NEDD8: variants seen among roughly 807,000 people sequenced by gnomAD.
The protein encoded by NEDD8 is NEDD8 ubiquitin like modifier.
NEDD8 carries 1 observed loss-of-function variant against 13.8 expected under a neutral mutation model. The ratio of observed to expected loss-of-function variants is 0.07; its 90% CI spans 0.03 to 0.34. The LOEUF (loss-of-function observed/expected upper bound fraction) is 0.34. Ranked by LOEUF, NEDD8 falls within the 10% of genes least tolerant of loss-of-function variation. The probability of loss-of-function intolerance (pLI) is 0.99; values close to 1 mark genes in which losing one functional copy is unlikely to be tolerated. For synonymous variants in NEDD8, 31 were observed against 33.2 expected (o/e 0.93, Z 0.23); for missense variants, 10 against 95.2 (o/e 0.10, Z 3.73).
intron 1 of NEDD8, among the ~76,000 whole-genome samples, chr14:24,221,850 C>A (rs1326709175): frequency 2.0e-5 from 3 of 152,142 alleles, no homozygotes; most frequent in Non-Finnish European, 2.9e-5. Context: ...CCTGCCTCGG[C>A]CTCCCAAAGT....
intron 2 of NEDD8, 54 bp downstream of exon 2, chr14:24,218,330 G>A: frequency 6.2e-7 from 1 of 1,614,066 alleles, no homozygotes; most frequent in Non-Finnish European, 8.5e-7. Context: ...ATAAGCATAT[G>A]CAAACAAATA....
chr14:24,217,961 T>A, intron 3 of NEDD8, 172 bp downstream of exon 3: 1 of 612,516 alleles, frequency 1.6e-6, no homozygotes, highest in Non-Finnish European at 2.7e-6. Context: ...TATTTTGTTT[T>A]ATGCCTGAAA....
intron 1 of NEDD8, among the ~76,000 whole-genome samples, chr14:24,231,144 G>C (rs551380995): frequency 6.6e-6 from 1 of 152,176 alleles, no homozygotes; most frequent in South Asian, 2.1e-4. Context: ...GCCTGCCTCG[G>C]CCTTCCAAAG....
chr14:24,226,824 T>C (rs1425286354), intron 1 of NEDD8: 1 of 152,212 alleles, frequency 6.6e-6, no homozygotes, highest in African/African-American at 2.4e-5. Context: ...CCTAGTAATT[T>C]CATTCTTAGG....
In NEDD8 at chr14:24,217,095, C is replaced by T. The variant is rs1341969210; in HGVS notation, c.*32G>A. 7.0e-6 allele frequency: 11 copies of T among 1,560,948 alleles called. No homozygotes were observed. The highest frequency in any genetic ancestry group is 4.5e-5 in the East Asian group (2 of 44,484). ...AGGATATATGATGCCTCATTATGAGCGACAGGGTAAAGAGGTAAAATGGAG... is the reference window on the plus strand; with the variant it reads ...AGGATATATGATGCCTCATTATGAGTGACAGGGTAAAGAGGTAAAATGGAG... On this transcript the variant is annotated 3_prime_UTR_variant, in exon 4 of 4. Coordinates refer to ENST00000250495, the MANE Select transcript of NEDD8 (RefSeq NM_006156.3).
intron 1 of NEDD8, among the ~76,000 whole-genome samples, chr14:24,220,767 G>A (rs983831485): frequency 2.0e-5 from 3 of 152,118 alleles, no homozygotes; most frequent in East Asian, 1.9e-4. Context: ...ACACATCTAC[G>A]CAATCAAAAG....
At chr14:24,223,220 T>C (rs564925672) in intron 1 of NEDD8, among the ~76,000 whole-genome samples, 1 of 151,004 alleles carries the variant, frequency 6.6e-6, no homozygotes, top group Admixed American at 6.6e-5. Context: ...CTGGGCAACA[T>C]AGTGAGATCC....
intron 1 of NEDD8, among the ~76,000 whole-genome samples, chr14:24,230,209 ACT>A (rs1285419979): frequency 4.3e-5 from 5 of 116,802 alleles, no homozygotes; most frequent in Non-Finnish European, 6.7e-5. Flanking sequence ...ACAGAGTGAG[ACT>A]CTGTCTCAAA....
At chr14:24,225,483 G>A in intron 1 of NEDD8, among the ~76,000 whole-genome samples, 1 of 152,086 alleles carries the variant, frequency 6.6e-6, no homozygotes. Flanking sequence ...GAAATATGTA[G>A]GAATAACATA....
chr14:24,226,601 A>C (rs1486548468), intron 1 of NEDD8: 2 of 152,220 alleles, frequency 1.3e-5, no homozygotes, highest in Admixed American at 6.5e-5. Context: ...AGATAACATT[A>C]TATAACACTA....
intron 1 of NEDD8, among the ~76,000 whole-genome samples, chr14:24,224,219 G>A (rs1027788063): frequency 1.3e-5 from 2 of 151,250 alleles, no homozygotes; most frequent in African/African-American, 2.4e-5. Flanking sequence ...GTGAGCCACC[G>A]CGCCCAGCCA....
intron 1 of NEDD8, among the ~76,000 whole-genome samples, chr14:24,219,498 AAAAG>A (rs1162749558): frequency 2.9e-5 from 4 of 137,190 alleles, no homozygotes; most frequent in African/African-American, 1.4e-4. Context: ...AAAAAAAAAA[AAAAG>A]AAAGTAAAAG....
Position 24,217,109 on chromosome 14 carries a change from G to C in NEDD8, c.*18C>G. 13 of 1,600,562 alleles carry C rather than the reference G, an allele frequency of 8.1e-6. No homozygotes were observed. Among genetic ancestry groups the C allele is most frequent in the Non-Finnish European group, 1.1e-5 (13 of 1,170,118 alleles). On this transcript the variant is annotated 3_prime_UTR_variant, in exon 4 of 4. Transcript: ENST00000250495. The stretch of plus-strand genomic sequence containing the variant: ...CTCATTATGAGCGACAGGGTAAAGA[G>C]GTAAAATGGAGGGTCCATCACTGCC...
chr14:24,225,323 G>A (rs971989941), intron 1 of NEDD8, among the ~76,000 whole-genome samples: 3 of 152,132 alleles, frequency 2.0e-5, no homozygotes, highest in Non-Finnish European at 4.4e-5. Flanking sequence ...GGCAATGTAT[G>A]GATCTTAATT....
chr14:24,229,944 CCTGTAGTCCCAGCTAG>C (rs1457855240), intron 1 of NEDD8, among the ~76,000 whole-genome samples: 3 of 151,466 alleles, frequency 2.0e-5, no homozygotes, highest in African/African-American at 7.3e-5. Flanking sequence ...GGTGGCACAC[CCTGTAGTCCCAGCTAG>C]TCAGGAAGCT....
intron 1 of NEDD8, chr14:24,228,165 G>A (rs1226057314): frequency 1.3e-5 from 2 of 151,682 alleles, no homozygotes; most frequent in African/African-American, 2.4e-5. Context: ...AGGCTGAGGT[G>A]GGTGGATCAC....
intron 1 of NEDD8, chr14:24,226,699 G>A (rs2039896937): frequency 6.6e-6 from 1 of 151,902 alleles, no homozygotes; most frequent in Non-Finnish European, 1.5e-5. Context: ...GGTGCTACAA[G>A]GGTACCGTCT....
At chr14:24,217,359 A>G (rs1466347271) in intron 3 of NEDD8, 136 bp from the exon 4 acceptor site, 8 of 669,952 alleles carry the variant, frequency 1.2e-5, no homozygotes, top group African/African-American at 1.8e-5. Context: ...GCACGATCTC[A>G]GCTCACTGCA....
At chr14:24,230,046 GT>G (rs1406008871) in intron 1 of NEDD8, among the ~76,000 whole-genome samples, 9 of 151,910 alleles carry the variant, frequency 5.9e-5, no homozygotes, top group Admixed American at 4.6e-4. Context: ...CTCCAGCCTG[GT>G]GACAGAGGGA....
Sources: allele counts gnomAD v4.1 joint callset (sites outside exome capture counted in the v4.1 genomes callset), GRCh38; gene constraint gnomAD v4.1.1; transcripts MANE v1.5; gene names NCBI Gene and HGNC (gene_info 2026-07-23, HGNC 2026-07-21).